GALC: variants seen among roughly 807,000 people sequenced by gnomAD.
GALC encodes galactosylceramidase.
GALC carries 77 observed loss-of-function variants against 91.8 expected under a neutral mutation model. That is an observed-to-expected ratio of 0.84 (90% CI 0.70 to 1.01). The LOEUF is 1.01. GALC is among the 50% of genes least tolerant of loss of function. GALC has a pLI of 0.00. For missense variants in GALC, 882 were observed against 855.9 expected, an observed-to-expected ratio of 1.03 and a Z score of -0.38; for synonymous variants, 357 against 306.7, an observed-to-expected ratio of 1.16 and a Z score of -1.71.
chr14:87,936,916 A>ATATATATATATATATATATATATATT (rs1431339979), intron 16 of GALC, among the ~76,000 whole-genome samples: 1 of 139,566 alleles, frequency 7.2e-6, no homozygotes, highest in African/African-American at 2.8e-5. Context: ...ATATATATTT[A>ATATATATATATATATATATATATATT]TTTATTTTCT....
intron 9 of GALC, 79 bp from the exon 10 acceptor site, chr14:87,963,590 T>C (rs1566989014): frequency 2.4e-6 from 3 of 1,261,924 alleles, no homozygotes; most frequent in Middle Eastern, 2.2e-4. Context: ...AAAAGCTGTA[T>C]ATCAATTTGA....
intron 10 of GALC, chr14:87,953,959 C>T (rs1885413008): frequency 1.2e-6 from 2 of 1,609,492 alleles, no homozygotes. Context: ...CTGTAGAGGA[C>T]TGCAGCATTT....
At chr14:87,992,481 C>T in intron 1 of GALC, 3 of 1,519,924 alleles carry the variant, frequency 2.0e-6, no homozygotes, top group East Asian at 2.5e-5. Context: ...AACAACTGCA[C>T]GGGACTTAAC....
rs774555128 is a variant in GALC at position 87,941,502 on chromosome 14, A to G, written c.1727T>C (p.Val576Ala). Residue 576 changes from valine to alanine, a missense_variant, in exon 15 of 17, where the codon GTG becomes GCG. Transcript: ENST00000261304. Reference protein sequence around the residue: ...VYIETPDTGGVFIAGRVNKGG... With the variant: ...VYIETPDTGGAFIAGRVNKGG... ...TTTATTTACTCTTCCTGCAATGAACACACCTCCTGTGTCAGGGGTCTCTAT... is the reference window on the plus strand; with the variant it reads ...TTTATTTACTCTTCCTGCAATGAACGCACCTCCTGTGTCAGGGGTCTCTAT... 4 of 1,599,716 alleles carry G rather than the reference A, an allele frequency of 2.5e-6. No homozygotes were observed. Among genetic ancestry groups the G allele is most frequent in the East Asian group, 4.5e-5 (2 of 44,736 alleles).
At chr14:87,945,511 A>C (rs369392133) in intron 14 of GALC, 42 bp downstream of exon 14, 41 of 1,375,586 alleles carry the variant, frequency 3.0e-5, no homozygotes, top group Non-Finnish European at 4.2e-5. Context: ...CAATATTACA[A>C]GGGTATTTCA....
chr14:87,949,823 T>G (rs769672066), intron 12 of GALC, 22 bp downstream of exon 12: 1 of 1,250,430 alleles, frequency 8.0e-7, no homozygotes, highest in Non-Finnish European at 1.2e-6. Flanking sequence ...ACCCAAAATA[T>G]AAGAATTTAC....
At chr14:87,948,632 G>A (rs1031643337) in intron 12 of GALC, among the ~76,000 whole-genome samples, 6 of 152,048 alleles carry the variant, frequency 3.9e-5, no homozygotes, top group African/African-American at 1.4e-4. Context: ...AATAAAAGGA[G>A]TTATTATCCT....
Position 87,933,745 on chromosome 14 carries a change from C to A in GALC, c.*987G>T. ...TAAATCATACAACATGATGAACACG[C>A]TCACGTATATTTAAATATAAACATA... On this transcript the variant is annotated 3_prime_UTR_variant, in exon 17 of 17. Transcript: ENST00000261304. 2.1e-6 allele frequency: 1 copy of A among 466,334 alleles called. No homozygotes were observed. The highest frequency in any genetic ancestry group is 3.8e-6 in the Non-Finnish European group (1 of 262,622). The allele number at this position is 466,334 out of a possible 1,614,324, so 28.9% of individuals were successfully genotyped here.
chr14:87,974,793 T>A (rs2140013064), intron 7 of GALC, among the ~76,000 whole-genome samples: 1 of 151,926 alleles, frequency 6.6e-6, no homozygotes, highest in East Asian at 1.9e-4. Flanking sequence ...ATGGCCACAG[T>A]GCAATAAAAT....
chr14:87,974,879 A>G (rs1886432755), intron 7 of GALC, among the ~76,000 whole-genome samples: 1 of 152,074 alleles, frequency 6.6e-6, no homozygotes, highest in East Asian at 1.9e-4. Flanking sequence ...ACATTAAAAT[A>G]CCTATATCAA....
intron 7 of GALC, among the ~76,000 whole-genome samples, chr14:87,974,961 A>G (rs928742350): frequency 2.0e-5 from 3 of 152,104 alleles, no homozygotes; most frequent in Admixed American, 6.5e-5. Flanking sequence ...CAATATTTTT[A>G]TAAGAAAATA....
chr14:87,941,562 C>A lies in GALC; in HGVS notation c.1671-4G>T, dbSNP rs2139941832. The A allele has an allele frequency of 6.5e-7, 1 of 1,550,316 alleles. No homozygotes were observed. Among genetic ancestry groups the A allele is most frequent in the Non-Finnish European group, 8.9e-7 (1 of 1,122,252 alleles). On this transcript the variant is annotated splice_region_variant and splice_polypyrimidine_tract_variant and intron_variant, in intron 14 of 16. Transcript: ENST00000261304. ...ACACTTTATAGTCAGATTGGTCCTG[C>A]AAAATAAAACGGTTGATTAGTACTC...
At chr14:87,992,199 A>G (rs1351480732) in intron 1 of GALC, 1 of 1,226,808 alleles carries the variant, frequency 8.2e-7, no homozygotes. Context: ...TGCAAGCTCC[A>G]TCCAACTCAA....
intron 7 of GALC, among the ~76,000 whole-genome samples, chr14:87,971,992 TG>T (rs754621151): frequency 3.3e-5 from 5 of 152,108 alleles, no homozygotes; most frequent in Non-Finnish European, 7.4e-5. Context: ...GTACTGTAAC[TG>T]TAAAACAAAA....
chr14:87,947,606 G>A, intron 13 of GALC, 122 bp downstream of exon 13: 1 of 914,044 alleles, frequency 1.1e-6, no homozygotes, highest in Non-Finnish European at 1.8e-6. Flanking sequence ...CATATGAGAT[G>A]TAGGAGGTAA....
rs141839955 is a variant in GALC at position 87,945,534 on chromosome 14, T to A, written c.1670+19A>T. 816 of 1,555,876 alleles carry A rather than the reference T, an allele frequency of 5.2e-4. 3 individuals are homozygous for A. In the African/African-American group the frequency reaches 9.3e-3, roughly 18 times the overall value. On this transcript the variant is annotated intron_variant, in intron 14 of 16. Coordinates refer to ENST00000261304, the MANE Select transcript of GALC (RefSeq NM_000153.4). Reference sequence around the variant, plus strand: ...CAAGGGTATTTCAGCCAGATCCACATTGAGAACATCAATCTTACCAGTTGT... The same window carrying A: ...CAAGGGTATTTCAGCCAGATCCACAATGAGAACATCAATCTTACCAGTTGT...
At chr14:87,954,408 G>A in intron 10 of GALC, 1 of 1,596,586 alleles carries the variant, frequency 6.3e-7, no homozygotes, top group Non-Finnish European at 8.6e-7. Context: ...GTATTATGGA[G>A]TCCTGGAGCA....
intron 7 of GALC, among the ~76,000 whole-genome samples, chr14:87,975,702 T>C (rs1015632500): frequency 4.6e-5 from 7 of 151,850 alleles, no homozygotes; most frequent in Non-Finnish European, 5.9e-5. Context: ...ATAAAGCACA[T>C]GGAGAGATCA....
intron 14 of GALC, among the ~76,000 whole-genome samples, chr14:87,943,712 CCTA>C (rs1025264158): frequency 3.4e-4 from 52 of 152,074 alleles, no homozygotes; most frequent in African/African-American, 1.2e-3. Context: ...CATCAAAGTG[CCTA>C]CTATTACCCA....
Sources: gnomAD v4.1 joint callset for allele counts (sites outside exome capture counted in the v4.1 genomes callset) on GRCh38, gnomAD v4.1.1 for gene constraint, MANE v1.5 for transcripts, NCBI Gene and HGNC (gene_info 2026-07-23, HGNC 2026-07-21) for gene names.